NRG3: variants seen among roughly 807,000 people sequenced by gnomAD.
The protein encoded by NRG3 is pro-neuregulin-3, membrane-bound isoform.
NRG3 carries 31 observed loss-of-function variants against 66.9 expected under a neutral mutation model. The observed-to-expected ratio is 0.46, with a 90% confidence interval of 0.35 to 0.63. The LOEUF (loss-of-function observed/expected upper bound fraction) is 0.63. Ranked by LOEUF, NRG3 falls within the 20% of genes least tolerant of loss-of-function variation. The pLI, the probability that NRG3 is intolerant of heterozygous loss-of-function variation, is 0.00. For synonymous variants in NRG3, 393 were observed against 359.4 expected (o/e 1.09, Z -1.06); for missense variants, 910 against 878.9 (o/e 1.04, Z -0.45).
intron 2 of NRG3, among the ~76,000 whole-genome samples, chr10:82,431,199 T>C (rs898146574): frequency 5.3e-5 from 8 of 152,106 alleles, no homozygotes; most frequent in Admixed American, 2.0e-4. Context: ...TCAGGGCAAG[T>C]AAATACTAGC....
At chr10:81,913,554 G>A (rs1367248056) in intron 1 of NRG3, among the ~76,000 whole-genome samples, 2 of 151,918 alleles carry the variant, frequency 1.3e-5, no homozygotes, top group East Asian at 3.9e-4. Flanking sequence ...CTCCCAAGTA[G>A]CTGGGATTAC....
chr10:82,356,202 G>A (rs2083768803), intron 1 of NRG3, among the ~76,000 whole-genome samples: 1 of 152,162 alleles, frequency 6.6e-6, no homozygotes, highest in African/African-American at 2.4e-5. Flanking sequence ...GAAATTAATT[G>A]ATTGTAATTG....
At chr10:82,192,109 A>G (rs1200718491) in intron 1 of NRG3, among the ~76,000 whole-genome samples, 1 of 152,164 alleles carries the variant, frequency 6.6e-6, no homozygotes, top group Non-Finnish European at 1.5e-5. Flanking sequence ...TCTCTGATCA[A>G]TATGTGTAAG....
At chr10:82,639,443 A>T (rs1472139246) in intron 2 of NRG3, among the ~76,000 whole-genome samples, 3 of 152,226 alleles carry the variant, frequency 2.0e-5, no homozygotes, top group African/African-American at 7.2e-5. Flanking sequence ...AGACACAGAC[A>T]TTCAGACCAT....
chr10:82,845,973 C>A (rs1285283348), intron 3 of NRG3, among the ~76,000 whole-genome samples: 1 of 152,106 alleles, frequency 6.6e-6, no homozygotes, highest in African/African-American at 2.4e-5. Context: ...GCATTTTTAT[C>A]ATGCACTGTA....
chr10:82,606,227 T>G (rs1376479207), intron 2 of NRG3, among the ~76,000 whole-genome samples: 1 of 152,150 alleles, frequency 6.6e-6, no homozygotes, highest in East Asian at 1.9e-4. Flanking sequence ...TAAGGTGAAT[T>G]TTTGTTTAGT....
chr10:82,790,389 G>C (rs1355732978), intron 3 of NRG3, among the ~76,000 whole-genome samples: 1 of 151,942 alleles, frequency 6.6e-6, no homozygotes, highest in East Asian at 1.9e-4. Context: ...TCAACAGTTT[G>C]AATATGTCAT....
At chr10:82,437,726 G>T (rs2090217952) in intron 2 of NRG3, among the ~76,000 whole-genome samples, 1 of 152,022 alleles carries the variant, frequency 6.6e-6, no homozygotes, top group African/African-American at 2.4e-5. Flanking sequence ...TTTTGTGGGG[G>T]CTTTTTGTTG....
chr10:82,923,006 C>A (rs182477477), intron 4 of NRG3, among the ~76,000 whole-genome samples: 1 of 152,120 alleles, frequency 6.6e-6, no homozygotes, highest in South Asian at 2.1e-4. Flanking sequence ...CCATTTGACT[C>A]GGCAGGGAAA....
intron 2 of NRG3, among the ~76,000 whole-genome samples, chr10:82,623,313 C>A (rs2133636808): frequency 6.6e-6 from 1 of 152,266 alleles, no homozygotes; most frequent in Non-Finnish European, 1.5e-5. Context: ...CCTGCTTCTC[C>A]ATCAAGTCAT....
rs190000291 is a variant in NRG3 at position 82,867,821 on chromosome 10, C to T, written c.1054+2384C>T. Among the ~76,000 whole-genome samples, 12 of 151,896 alleles carry T rather than the reference C, an allele frequency of 7.9e-5. No individual in the cohort carries two copies. The East Asian group carries it at 1.7e-3, about 22-fold the overall frequency. ...GCCACAAATTACTGAAAATCATGGGCATATTTTTGCAGTAAGAATACATTG... is the reference window on the plus strand; with the variant it reads ...GCCACAAATTACTGAAAATCATGGGTATATTTTTGCAGTAAGAATACATTG... On this transcript the variant is annotated intron_variant, in intron 4 of 8. Transcript: ENST00000372141.
At chr10:82,448,117 G>A (rs186990014) in intron 2 of NRG3, among the ~76,000 whole-genome samples, 136 of 152,240 alleles carry the variant, frequency 8.9e-4, no homozygotes, top group Admixed American at 5.8e-3. Context: ...ACAGTGCTGC[G>A]GATAATTTCC....
chr10:82,092,543 C>T (rs2066087680), intron 1 of NRG3, among the ~76,000 whole-genome samples: 1 of 151,976 alleles, frequency 6.6e-6, no homozygotes, highest in South Asian at 2.1e-4. Context: ...GAGAGGATTC[C>T]CTAAATTTAT....
At chr10:82,464,551 C>A (rs552510424) in intron 2 of NRG3, among the ~76,000 whole-genome samples, 1 of 152,254 alleles carries the variant, frequency 6.6e-6, no homozygotes, top group African/African-American at 2.4e-5. Context: ...AGTCAAAGTG[C>A]CCGGCCCTGG....
At chr10:82,342,781 CTT>C (rs1036032321) in intron 1 of NRG3, among the ~76,000 whole-genome samples, 25 of 151,604 alleles carry the variant, frequency 1.6e-4, no homozygotes, top group African/African-American at 5.6e-4. Flanking sequence ...TTAACTCTCA[CTT>C]ATATATTTTT....
At chr10:82,879,718 C>G (rs973204813) in intron 4 of NRG3, among the ~76,000 whole-genome samples, 1 of 151,914 alleles carries the variant, frequency 6.6e-6, no homozygotes, top group Non-Finnish European at 1.5e-5. Flanking sequence ...CCTCATGATC[C>G]GCCCTCCTCG....
intron 2 of NRG3, among the ~76,000 whole-genome samples, chr10:82,589,705 A>G (rs988075225): frequency 1.3e-5 from 2 of 152,214 alleles, no homozygotes; most frequent in Admixed American, 1.3e-4. Flanking sequence ...CTTAGAATAC[A>G]ATGAATCAGG....
chr10:82,473,057 G>A (rs1841425355), intron 2 of NRG3, among the ~76,000 whole-genome samples: 1 of 152,150 alleles, frequency 6.6e-6, no homozygotes, highest in African/African-American at 2.4e-5. Flanking sequence ...ACCAACTTCA[G>A]GAAAATTAGT....
intron 1 of NRG3, among the ~76,000 whole-genome samples, chr10:82,319,487 A>G (rs940273563): frequency 6.6e-6 from 1 of 152,206 alleles, no homozygotes; most frequent in Non-Finnish European, 1.5e-5. Context: ...CCCTCCTCCT[A>G]TCTATTGTCC....
Sources: allele counts gnomAD v4.1 joint callset (sites outside exome capture counted in the v4.1 genomes callset), GRCh38; gene constraint gnomAD v4.1.1; transcripts MANE v1.5; gene names NCBI Gene and HGNC (gene_info 2026-07-23, HGNC 2026-07-21).